BBX: variants seen among roughly 807,000 people sequenced by gnomAD.
The protein encoded by BBX is BBX high mobility group box domain containing, also known as HMG box transcription factor BBX.
Under a neutral mutation model 100.2 loss-of-function variants are expected in BBX, and 30 were observed. That is an observed-to-expected ratio of 0.30 (90% CI 0.22 to 0.41). The LOEUF (loss-of-function observed/expected upper bound fraction) is 0.41. Ranked by LOEUF, BBX falls within the 10% of genes least tolerant of loss-of-function variation. BBX has a pLI of 1.00. For missense variants in BBX, 1,023 were observed against 1,129.8 expected, an observed-to-expected ratio of 0.91 and a Z score of 1.35; for synonymous variants, 376 against 388.1, an observed-to-expected ratio of 0.97 and a Z score of 0.37.
At chr3:107,673,047 G>A (rs1372889085) in intron 3 of BBX, among the ~76,000 whole-genome samples, 1 of 152,126 alleles carries the variant, frequency 6.6e-6, no homozygotes, top group South Asian at 2.1e-4. Context: ...CAATATGGGA[G>A]TTAAATTGGA....
intron 2 of BBX, among the ~76,000 whole-genome samples, chr3:107,618,207 A>G (rs1199080422): frequency 1.3e-5 from 2 of 151,954 alleles, no homozygotes; most frequent in African/African-American, 4.8e-5. Flanking sequence ...TCATCCTTGT[A>G]TTCCTGAAAT....
chr3:107,590,365 A>G (rs1329493596), intron 2 of BBX, among the ~76,000 whole-genome samples: 1 of 152,152 alleles, frequency 6.6e-6, no homozygotes. Context: ...ATCACCTCAA[A>G]CATGTATCAT....
chr3:107,596,864 G>C (rs1250395028), intron 2 of BBX, among the ~76,000 whole-genome samples: 1 of 152,058 alleles, frequency 6.6e-6, no homozygotes, highest in Non-Finnish European at 1.5e-5. Context: ...ATTTCCTGAG[G>C]GTCTAAATTG....
At chr3:107,740,491 C>T (rs1415340480) in intron 7 of BBX, among the ~76,000 whole-genome samples, 1 of 152,062 alleles carries the variant, frequency 6.6e-6, no homozygotes, top group Non-Finnish European at 1.5e-5. Context: ...TGCCTCCAGT[C>T]ATCCCCAGAC....
intron 2 of BBX, among the ~76,000 whole-genome samples, chr3:107,559,651 G>T (rs1402422434): frequency 6.6e-6 from 1 of 152,212 alleles, no homozygotes; most frequent in Admixed American, 6.5e-5. Flanking sequence ...GAACTTCATT[G>T]TAGAGGCAGT....
chr3:107,651,252 A>G (rs2057823976), intron 3 of BBX, among the ~76,000 whole-genome samples: 1 of 152,228 alleles, frequency 6.6e-6, no homozygotes, highest in South Asian at 2.1e-4. Context: ...TAAACAAGAT[A>G]ATCTGGTTCG....
intron 2 of BBX, among the ~76,000 whole-genome samples, chr3:107,616,373 CAG>C (rs1559877853): frequency 6.6e-6 from 1 of 152,054 alleles, no homozygotes; most frequent in East Asian, 1.9e-4. Flanking sequence ...GCCTGTAATA[CAG>C]AGAGATCCCA....
intron 3 of BBX, among the ~76,000 whole-genome samples, chr3:107,683,273 T>C (rs1170112248): frequency 1.3e-5 from 2 of 152,102 alleles, no homozygotes; most frequent in South Asian, 4.1e-4. Context: ...GATTTTAGTG[T>C]TTTATTTGAT....
chr3:107,638,136 C>T (rs62261998), intron 2 of BBX, among the ~76,000 whole-genome samples: 2 of 152,044 alleles, frequency 1.3e-5, no homozygotes, highest in African/African-American at 4.8e-5. Flanking sequence ...AGGCTGGTCT[C>T]GAACTGCTGG....
chr3:107,590,715 A>G (rs1447305793), intron 2 of BBX, among the ~76,000 whole-genome samples: 1 of 152,162 alleles, frequency 6.6e-6, no homozygotes, highest in African/African-American at 2.4e-5. Flanking sequence ...AGCACCTCCT[A>G]CCTACATTGA....
At position 107,716,634 on chromosome 3, in the gene BBX, G is replaced by C. The variant is rs749687434; in HGVS notation, c.190G>C (p.Glu64Gln). ...TCAACTTCTTGGGGCCGATGGCCTA[G>C]AGCAAGATGTTGGTGAAACTGAAGA... ...KVQLLGADGL[E>Q]QDVGETEDDE... Residue 64 changes from glutamate (E) to glutamine (Q), a missense_variant, in exon 5 of 18, where the codon GAG becomes CAG. Transcript: ENST00000325805. 4 of 1,613,660 alleles carry C rather than the reference G, an allele frequency of 2.5e-6. No homozygotes were observed. The highest frequency in any genetic ancestry group is 2.7e-5 in the African/African-American group (2 of 74,922).
At chr3:107,566,266 T>C (rs973665246) in intron 2 of BBX, among the ~76,000 whole-genome samples, 2 of 151,740 alleles carry the variant, frequency 1.3e-5, no homozygotes, top group African/African-American at 4.8e-5. Context: ...TGAATTCCAT[T>C]GATAAATTTT....
At chr3:107,661,139 T>G (rs1243215936) in intron 3 of BBX, among the ~76,000 whole-genome samples, 2 of 152,222 alleles carry the variant, frequency 1.3e-5, no homozygotes, top group Non-Finnish European at 2.9e-5. Context: ...TTCTGATATT[T>G]TTATGCAGAT....
chr3:107,669,289 TTGCATCA>T (rs201562233), intron 3 of BBX, among the ~76,000 whole-genome samples: 4,678 of 152,186 alleles, frequency 0.031, 119 homozygotes, highest in Non-Finnish European at 0.044. Flanking sequence ...CATATTTGAC[TTGCATCA>T]AGAGGAAGAG....
At position 107,778,344 on chromosome 3, in the gene BBX, A is replaced by G. The variant is rs573414516; in HGVS notation, c.2055-27A>G. ...CTGTGTCATATTTGGTCATGTGCTG[A>G]TTGATTCCCCTCTCCCCTTTTAATA... On this transcript the variant is annotated intron_variant, in intron 12 of 17. Coordinates refer to ENST00000325805, the MANE Select transcript of BBX (RefSeq NM_001142568.3). The G allele has an allele frequency of 4.3e-6, 7 of 1,612,350 alleles. No individual in the cohort carries two copies. The East Asian group carries it at 1.3e-4, about 31-fold the overall frequency.
intron 3 of BBX, among the ~76,000 whole-genome samples, chr3:107,647,465 A>T (rs574862549): frequency 6.6e-6 from 1 of 152,228 alleles, no homozygotes; most frequent in African/African-American, 2.4e-5. Flanking sequence ...TATTGACTAT[A>T]AGCAGAAATT....
At position 107,806,045 on chromosome 3, in the gene BBX, G is replaced by A. The variant is rs1013686475; in HGVS notation, c.*588G>A. On this transcript the variant is annotated 3_prime_UTR_variant, in exon 18 of 18. Coordinates refer to ENST00000325805, the MANE Select transcript of BBX (RefSeq NM_001142568.3). ...GCAGGCAGATGTACCATTGTTAGTG[G>A]TGTATGCTCGGCCTCGTGGTCCATA... 2 of 151,520 alleles carry A rather than the reference G, an allele frequency of 1.3e-5. No individual in the cohort carries two copies. Among genetic ancestry groups the A allele is most frequent in the Non-Finnish European group, 2.9e-5 (2 of 67,986 alleles). 9.4% of individuals were successfully genotyped at this position (151,520 alleles called of 1,614,324 possible).
intron 15 of BBX, among the ~76,000 whole-genome samples, chr3:107,794,253 A>C (rs73210268): frequency 1.1e-4 from 17 of 152,258 alleles, no homozygotes; most frequent in Non-Finnish European, 2.5e-4. Context: ...CCAGTGAATT[A>C]AGGAGGGTTT....
chr3:107,545,080 TA>T (rs1417086582), intron 2 of BBX, among the ~76,000 whole-genome samples: 1 of 152,192 alleles, frequency 6.6e-6, no homozygotes, highest in Non-Finnish European at 1.5e-5. Flanking sequence ...GACGTTTCTT[TA>T]CCTCTGCGGT....
Sources: allele counts gnomAD v4.1 joint callset (sites outside exome capture counted in the v4.1 genomes callset), GRCh38; gene constraint gnomAD v4.1.1; transcripts MANE v1.5; gene names NCBI Gene and HGNC (gene_info 2026-07-23, HGNC 2026-07-21).